The following MPC2 variants were observed in gnomAD, a reference collection of about 807,000 sequenced individuals.
MPC2 encodes mitochondrial pyruvate carrier 2, also known as brain protein 44.
MPC2 carries 19 observed loss-of-function variants against 19.2 expected under a neutral mutation model. The observed-to-expected ratio is 0.99, with a 90% CI of 0.69 to 1.45. The LOEUF (loss-of-function observed/expected upper bound fraction) is 1.45. Among genes scored for constraint, MPC2 ranks in the 40% most tolerant of loss-of-function variants. MPC2 has a pLI of 0.00. For synonymous variants in MPC2, 61 were observed against 54.3 expected (o/e 1.12, Z -0.54); for missense variants, 122 against 153.0 (o/e 0.80, Z 1.07).
intron 1 of MPC2, 123 bp downstream of exon 1, chr1:167,936,816 G>C (rs1671298149): frequency 8.7e-7 from 1 of 1,146,356 alleles, no homozygotes; most frequent in Non-Finnish European, 1.3e-6. Context: ...CGCGCGGATG[G>C]TGCCGGTGCG....
chr1:167,935,776 C>T lies in MPC2; in HGVS notation c.66G>A (p.Leu22=), dbSNP rs1423649563. The stretch of plus-strand genomic sequence containing the variant: ...ACGGCCTCAATTTCTCGGGCAGCAT[C>T]AGCTCCACTTTATCGAGGAGCCGGT... ...TYHRLLDKVE[L]MLPEKLRPLY... The change falls in exon 2 of 6, where the codon CTG becomes CTA. Residue 22 remains leucine (L), a synonymous_variant. Transcript: ENST00000271373. The T allele has an allele frequency of 1.3e-6, 2 of 1,565,080 alleles. No individual in the cohort carries two copies. Among genetic ancestry groups the T allele is most frequent in the Non-Finnish European group, 1.7e-6 (2 of 1,154,704 alleles).
At position 167,917,593 on chromosome 1, in the gene MPC2, GTCTC is replaced by G. The variant is rs1670487599; in HGVS notation, c.*726_*729del. The stretch of plus-strand genomic sequence containing the variant: ...AGCCTGGGCCACAGAGCGAGACCCT[GTCTC>G]AAAAAAAAAAAAAAAAAAAAAGTCA... On this transcript the variant is annotated 3_prime_UTR_variant, in exon 6 of 6. Transcript: ENST00000271373. The G allele has an allele frequency of 8.8e-6, 1 of 113,474 alleles. No individual in the cohort carries two copies. The highest frequency in any genetic ancestry group is 3.3e-5 in the African/African-American group (1 of 30,196). The allele number at this position is 113,474 out of a possible 1,614,324, so 7.0% of individuals were successfully genotyped here. A position where few individuals can be genotyped will look rare whatever the true frequency, so the allele number is the denominator to read the frequency against.
At chr1:167,934,586 A>G (rs1241736624) in intron 2 of MPC2, among the ~76,000 whole-genome samples, 1 of 152,356 alleles carries the variant, frequency 6.6e-6, no homozygotes, top group East Asian at 1.9e-4. Flanking sequence ...CAGATGTTCA[A>G]TTCATTCCAT....
At chr1:167,919,910 A>T in intron 5 of MPC2, 69 bp downstream of exon 5, 1 of 1,179,904 alleles carries the variant, frequency 8.5e-7, no homozygotes, top group Admixed American at 2.4e-5. Flanking sequence ...CCCGTCTCAA[A>T]AAAAAAAAAA....
rs529168714 is a variant in MPC2, at chr1:167,924,990, T to C, written c.110-453A>G. 2.6e-5 allele frequency among the ~76,000 whole-genome samples: 4 copies of C among 152,248 alleles called. No individual in the cohort carries two copies. The East Asian group carries it at 7.7e-4, about 29-fold the overall frequency. ...CAGCAAAATTTGAAAAATGTAAAAATGGCAGTTGCTTCCCTCCAATTTTTG... is the reference window on the plus strand; with the variant it reads ...CAGCAAAATTTGAAAAATGTAAAAACGGCAGTTGCTTCCCTCCAATTTTTG... On this transcript the variant is annotated intron_variant, in intron 2 of 5. Transcript: ENST00000271373.
At position 167,925,470 on chromosome 1, in the gene MPC2, T is replaced by C. The variant is rs12025370; in HGVS notation, c.110-933A>G. Among the ~76,000 whole-genome samples, 16 of 107,770 alleles carry C rather than the reference T, an allele frequency of 1.5e-4. No homozygotes were observed. The East Asian group carries it at 2.5e-3, about 17-fold the overall frequency. 70.7% of individuals were successfully genotyped at this position (107,770 alleles called of 152,430 possible). ...ATATATATATATATATATATATATA[T>C]ATATACATATACATATACACACACA... On this transcript the variant is annotated intron_variant, in intron 2 of 5. Coordinates refer to ENST00000271373, the MANE Select transcript of MPC2 (RefSeq NM_001143674.4).
At chr1:167,920,419 C>A in intron 4 of MPC2, 128 bp downstream of exon 4, 1 of 969,640 alleles carries the variant, frequency 1.0e-6, no homozygotes, top group Non-Finnish European at 1.5e-6. Context: ...ACTTCCTAGA[C>A]ATAATACTGT....
chr1:167,920,319 TATAAAA>T (rs1349182250), intron 4 of MPC2, among the ~76,000 whole-genome samples: 1 of 152,222 alleles, frequency 6.6e-6, no homozygotes, highest in African/African-American at 2.4e-5. Context: ...TCTTCCCACT[TATAAAA>T]ATATGTTCAT....
Position 167,925,440 on chromosome 1 carries a change from C to CATAT in MPC2, c.110-904_110-903insATAT, listed in dbSNP as rs1387347595. Among the ~76,000 whole-genome samples the CATAT allele has an allele frequency of 1.9e-3, 95 of 49,634 alleles. 1 individual carries two copies. Among genetic ancestry groups the CATAT allele is most frequent in the Non-Finnish European group, 3.2e-3 (85 of 26,350 alleles). 32.6% of individuals were successfully genotyped at this position (49,634 alleles called of 152,430 possible). ...TATATAATATACAGATATACATATA[C>CATAT]ACATATATATATATATATATATATA... On this transcript the variant is annotated intron_variant, in intron 2 of 5. Coordinates refer to ENST00000271373, the MANE Select transcript of MPC2 (RefSeq NM_001143674.4).
chr1:167,925,442 C>CATATATATATATATATATATATATAT (rs369657697), intron 2 of MPC2, among the ~76,000 whole-genome samples: 5 of 82,468 alleles, frequency 6.1e-5, no homozygotes, highest in South Asian at 4.0e-4. Context: ...TACATATACA[C>CATATATATATATATATATATATATAT]ATATATATAT....
chr1:167,932,730 A>ACCCAGGAGG (rs1327486539), intron 2 of MPC2, among the ~76,000 whole-genome samples: 1 of 148,798 alleles, frequency 6.7e-6, no homozygotes, highest in Non-Finnish European at 1.5e-5. Flanking sequence ...AATCGCTTGA[A>ACCCAGGAGG]CCCAGGAGGC....
intron 2 of MPC2, among the ~76,000 whole-genome samples, chr1:167,929,042 A>T (rs114096266): frequency 0.016 from 2,442 of 152,308 alleles, 55 homozygotes; most frequent in African/African-American, 0.052. Flanking sequence ...CAATTTAGAA[A>T]CATTAAACAA....
At chr1:167,921,973 A>G (rs1670615518) in intron 3 of MPC2, among the ~76,000 whole-genome samples, 1 of 152,248 alleles carries the variant, frequency 6.6e-6, no homozygotes, top group African/African-American at 2.4e-5. Flanking sequence ...TAAAGTGGTT[A>G]CAAAGGACTC....
chr1:167,923,783 G>A (rs1670662267), intron 3 of MPC2, among the ~76,000 whole-genome samples: 1 of 151,962 alleles, frequency 6.6e-6, no homozygotes, highest in Non-Finnish European at 1.5e-5. Context: ...TGAAAACAGA[G>A]CTCACTGGAC....
At chr1:167,924,257 G>T (rs1056891346) in intron 3 of MPC2, among the ~76,000 whole-genome samples, 3 of 152,052 alleles carry the variant, frequency 2.0e-5, no homozygotes, top group Non-Finnish European at 2.9e-5. Flanking sequence ...GTGCACAATT[G>T]TAAGTTTTTT....
intron 1 of MPC2, chr1:167,936,633 G>A (rs921241305): frequency 1.3e-5 from 5 of 375,090 alleles, no homozygotes. Flanking sequence ...CTCCGCCTCC[G>A]CCTCCTCCTG....
At chr1:167,925,480 T>TATATAC (rs1287063918) in intron 2 of MPC2, among the ~76,000 whole-genome samples, 62 of 134,858 alleles carry the variant, frequency 4.6e-4, no homozygotes, top group African/African-American at 1.6e-3. Context: ...TATATACATA[T>TATATAC]ACATATACAC....
chr1:167,920,271 G>A (rs994577711), intron 4 of MPC2, among the ~76,000 whole-genome samples, 181 bp from the exon 5 acceptor site: 2 of 152,270 alleles, frequency 1.3e-5, no homozygotes, highest in South Asian at 4.1e-4. Context: ...ATTCTTACAT[G>A]AAAGAGGAAT....
At chr1:167,918,479 TAAACAGAA>T in intron 5 of MPC2, 120 bp from the exon 6 acceptor site, 1 of 588,310 alleles carries the variant, frequency 1.7e-6, no homozygotes, top group Non-Finnish European at 2.8e-6. Context: ...TATACAGTTG[TAAACAGAA>T]TCTTCCCGGA....
Sources: allele counts gnomAD v4.1 joint callset (sites outside exome capture counted in the v4.1 genomes callset), GRCh38; gene constraint gnomAD v4.1.1; transcripts MANE v1.5; gene names NCBI Gene and HGNC (gene_info 2026-07-23, HGNC 2026-07-21).